GFRA2: variants seen among roughly 807,000 people sequenced by gnomAD.
The protein encoded by GFRA2 is GDNF family receptor alpha 2, also known as GDNF family receptor alpha-2.
Under a neutral mutation model 48.3 loss-of-function variants are expected in GFRA2, and 17 were observed. The observed-to-expected ratio is 0.35, with a 90% CI of 0.24 to 0.53. The LOEUF (loss-of-function observed/expected upper bound fraction) is 0.53, where lower values mean the gene tolerates loss of function less well. GFRA2 is among the 20% of genes least tolerant of loss of function. GFRA2 has a pLI of 0.93. For missense variants in GFRA2, 660 were observed against 637.3 expected (o/e 1.04, Z -0.38); for synonymous variants, 305 against 257.2 (o/e 1.19, Z -1.78).
intron 4 of GFRA2, among the ~76,000 whole-genome samples, chr8:21,726,279 G>T (rs1803866314): frequency 6.6e-6 from 1 of 152,124 alleles, no homozygotes; most frequent in Non-Finnish European, 1.5e-5. Flanking sequence ...CTCTCAGGGG[G>T]TATTAATTGT....
At position 21,750,570 on chromosome 8, in the gene GFRA2, G is replaced by A. The variant is rs1301991840; in HGVS notation, c.794+18C>T. On this transcript the variant is annotated intron_variant, in intron 4 of 8. Transcript: ENST00000524240. This position sits in a 1 kb window ranked among gnomAD's most constrained non-coding sequence, Gnocchi z 5.7. The stretch of plus-strand genomic sequence containing the variant: ...AGCGCCCTCCTGCCAGCACCACCGG[G>A]GCTGCCGCGGCACTCACCGACACAG... The A allele has an allele frequency of 6.7e-7, 1 of 1,489,808 alleles. No homozygotes were observed. Among genetic ancestry groups the A allele is most frequent in the Non-Finnish European group, 9.2e-7 (1 of 1,085,684 alleles). The allele number at this position is 1,489,808 out of a possible 1,614,324, so 92.3% of individuals were successfully genotyped here.
chr8:21,775,698 T>C (rs1166193727), intron 2 of GFRA2, among the ~76,000 whole-genome samples: 2 of 152,168 alleles, frequency 1.3e-5, no homozygotes, highest in Non-Finnish European at 2.9e-5. Context: ...GTCTGCTCAG[T>C]GGGTGGGCTG....
At chr8:21,706,164 A>C in intron 4 of GFRA2, 123 bp from the exon 5 acceptor site, 4 of 663,226 alleles carry the variant, frequency 6.0e-6, no homozygotes, top group Non-Finnish European at 1.1e-5. Flanking sequence ...AGCCAGGAAG[A>C]GGGAGGGGAG....
intron 2 of GFRA2, among the ~76,000 whole-genome samples, chr8:21,796,731 C>T (rs1035670958): frequency 2.4e-4 from 36 of 152,346 alleles, no homozygotes; most frequent in Admixed American, 6.5e-4. Flanking sequence ...CTCCTGCTTT[C>T]CTGGTATCCT....
chr8:21,713,965 C>T lies in GFRA2; in HGVS notation c.795-7924G>A, dbSNP rs1016285123. On this transcript the variant is annotated intron_variant, in intron 4 of 8. Transcript: ENST00000524240. The stretch of plus-strand genomic sequence containing the variant: ...TGCTTTGCGCCACAGCCAGAGAAAG[C>T]CCACAGTTACGTGGCAAAGAGTGCA... 1.4e-4 allele frequency among the ~76,000 whole-genome samples: 21 copies of T among 152,292 alleles called. No individual in the cohort carries two copies. The South Asian group carries it at 4.4e-3, about 32-fold the overall frequency.
At chr8:21,708,912 T>C (rs1802880750) in intron 4 of GFRA2, among the ~76,000 whole-genome samples, 1 of 152,236 alleles carries the variant, frequency 6.6e-6, no homozygotes, top group African/African-American at 2.4e-5. Flanking sequence ...CTTGTGGTAC[T>C]TTGCTACAGC....
chr8:21,750,997 A>C lies in GFRA2; in HGVS notation c.440-55T>G. 1 of 1,162,590 alleles carries C rather than the reference A, an allele frequency of 8.6e-7. No individual in the cohort carries two copies. 72.0% of individuals were successfully genotyped at this position (1,162,590 alleles called of 1,614,324 possible). The stretch of plus-strand genomic sequence containing the variant: ...GGCCACACAAGCATGAGGAGGACAC[A>C]GCTGCCCCCTCACTGGAAGATGTCT... On this transcript the variant is annotated intron_variant, in intron 3 of 8. Transcript: ENST00000524240. The surrounding 1 kb of genome is among the most constrained non-coding windows in gnomAD (Gnocchi z 5.7).
intron 2 of GFRA2, among the ~76,000 whole-genome samples, chr8:21,775,923 C>G (rs919988087): frequency 6.6e-6 from 1 of 151,358 alleles, no homozygotes; most frequent in Non-Finnish European, 1.5e-5. Context: ...GAGGCCTCAG[C>G]GGGAAAGGAA....
At chr8:21,785,143 C>T (rs1218159145) in intron 1 of GFRA2, among the ~76,000 whole-genome samples, 4 of 152,196 alleles carry the variant, frequency 2.6e-5, no homozygotes, top group African/African-American at 7.2e-5. Context: ...GAATTCACCG[C>T]GTGCTTAAAG....
intron 2 of GFRA2, among the ~76,000 whole-genome samples, chr8:21,799,057 A>G (rs1393812228): frequency 6.6e-6 from 1 of 152,148 alleles, no homozygotes; most frequent in African/African-American, 2.4e-5. Flanking sequence ...CTCTAACCCA[A>G]TATAACCTTA....
chr8:21,799,192 T>C (rs1310481280), intron 2 of GFRA2, among the ~76,000 whole-genome samples: 2 of 151,924 alleles, frequency 1.3e-5, no homozygotes, highest in Non-Finnish European at 2.9e-5. Flanking sequence ...CCGTTCTCTT[T>C]AGTGAAAATT....
At chr8:21,742,265 C>T (rs182037817) in intron 4 of GFRA2, among the ~76,000 whole-genome samples, 88 of 152,198 alleles carry the variant, frequency 5.8e-4, no homozygotes, top group Admixed American at 5.4e-3. Flanking sequence ...GAGGTCATGG[C>T]GGTGGGGCCC....
chr8:21,717,311 T>C (rs1254260606), intron 4 of GFRA2, among the ~76,000 whole-genome samples: 2 of 152,200 alleles, frequency 1.3e-5, no homozygotes, highest in Admixed American at 6.5e-5. Context: ...AAAGCTACAT[T>C]GCTATCAAAA....
chr8:21,697,257 A>G (rs1802255344), intron 7 of GFRA2, among the ~76,000 whole-genome samples: 1 of 105,464 alleles, frequency 9.5e-6, no homozygotes, highest in East Asian at 3.3e-4. Context: ...GAAAGATAGC[A>G]GGAGGGGAGG....
At chr8:21,700,601 C>T (rs1328379801) in intron 7 of GFRA2, among the ~76,000 whole-genome samples, 3 of 152,150 alleles carry the variant, frequency 2.0e-5, no homozygotes, top group South Asian at 4.1e-4. Flanking sequence ...TGTGGACATG[C>T]TGCTGTCTTC....
At chr8:21,718,366 C>G (rs1006702181) in intron 4 of GFRA2, among the ~76,000 whole-genome samples, 7 of 152,324 alleles carry the variant, frequency 4.6e-5, no homozygotes, top group Middle Eastern at 3.4e-3. Context: ...AACCGTAAGT[C>G]CGGTTAAACC....
chr8:21,718,606 G>C (rs1256271018), intron 4 of GFRA2, among the ~76,000 whole-genome samples: 3 of 152,162 alleles, frequency 2.0e-5, no homozygotes, highest in African/African-American at 4.8e-5. Context: ...CATGTAGAAG[G>C]CAGGAGCTAT....
At chr8:21,733,602 G>A (rs1263549638) in intron 4 of GFRA2, among the ~76,000 whole-genome samples, 1 of 152,186 alleles carries the variant, frequency 6.6e-6, no homozygotes, top group Non-Finnish European at 1.5e-5. Context: ...AATAGGACCC[G>A]TGGCTGAGCC....
chr8:21,729,516 G>A (rs58268150), intron 4 of GFRA2, among the ~76,000 whole-genome samples: 61,927 of 151,832 alleles, frequency 0.41, 15,063 homozygotes, highest in East Asian at 0.61. Context: ...GCCCTTCCTC[G>A]CACTTACAGA....
Sources: gnomAD v4.1 joint callset for allele counts (sites outside exome capture counted in the v4.1 genomes callset) on GRCh38, gnomAD v4.1.1 for gene constraint, Gnocchi (gnomAD v3.1) non-coding constraint, MANE v1.5 for transcripts, NCBI Gene and HGNC (gene_info 2026-07-23, HGNC 2026-07-21) for gene names.